The following FGF12 variants were observed in gnomAD, a reference collection of about 807,000 sequenced individuals.
The protein encoded by FGF12 is fibroblast growth factor 12B.
In FGF12, 14 loss-of-function variants were observed where a neutral mutation model predicts 23.6. The ratio of observed to expected loss-of-function variants is 0.59; its 90% CI spans 0.39 to 0.93. FGF12 has a LOEUF of 0.93. Ranked by LOEUF, FGF12 falls within the 40% of genes least tolerant of loss-of-function variation. FGF12 has a pLI of 0.00. For synonymous variants in FGF12, 62 were observed against 77.3 expected (o/e 0.80, Z 1.04); for missense variants, 175 against 217.8 (o/e 0.80, Z 1.24).
chr3:192,445,787 G>A (rs1014211174), intron 2 of FGF12, among the ~76,000 whole-genome samples: 3 of 152,112 alleles, frequency 2.0e-5, no homozygotes, highest in Non-Finnish European at 2.9e-5. Context: ...AAAAAGATTG[G>A]CAGCACGGCC....
intron 2 of FGF12, among the ~76,000 whole-genome samples, chr3:192,372,424 G>C (rs1001475115): frequency 7.3e-6 from 1 of 136,750 alleles, no homozygotes; most frequent in Non-Finnish European, 1.6e-5. Flanking sequence ...CACACACAAT[G>C]CTTTGCCTTT....
intron 4 of FGF12, among the ~76,000 whole-genome samples, chr3:192,330,307 C>T (rs1322429688): frequency 6.6e-6 from 1 of 152,024 alleles, no homozygotes; most frequent in African/African-American, 2.4e-5. Context: ...AGCTGTAGGT[C>T]GCACACCTTC....
intron 2 of FGF12, among the ~76,000 whole-genome samples, chr3:192,387,683 C>CA (rs1301743801): frequency 3.0e-4 from 44 of 145,054 alleles, no homozygotes; most frequent in African/African-American, 1.0e-3. Flanking sequence ...CCCATCTCTA[C>CA]AAAAAAAATA....
rs544278782 is a variant in FGF12, at chr3:192,567,957, C to T, written c.13+159224G>A. On this transcript the variant is annotated intron_variant, in intron 2 of 5. Transcript: ENST00000445105. ...AAGTGATTCTCCTGCCTCAGCCTCC[C>T]GAGTAGCTGGGATTACAGGCACCAG... Among the ~76,000 whole-genome samples the T allele has an allele frequency of 7.3e-3, 1,105 of 151,756 alleles. 7 individuals carry two copies. The highest frequency in any genetic ancestry group is 0.013 in the Non-Finnish European group (896 of 67,924).
chr3:192,162,503 A>G (rs532024601), intron 5 of FGF12, among the ~76,000 whole-genome samples: 20 of 152,218 alleles, frequency 1.3e-4, no homozygotes, highest in African/African-American at 4.6e-4. Flanking sequence ...CAGAAACCAG[A>G]AAAAACTGGT....
At chr3:192,231,462 T>C (rs962631086) in intron 4 of FGF12, among the ~76,000 whole-genome samples, 3 of 152,108 alleles carry the variant, frequency 2.0e-5, no homozygotes, top group Admixed American at 6.6e-5. Flanking sequence ...AACTATTAGG[T>C]TGGTGCAAAA....
At chr3:192,414,717 A>C (rs967934153) in intron 2 of FGF12, among the ~76,000 whole-genome samples, 1 of 152,168 alleles carries the variant, frequency 6.6e-6, no homozygotes, top group Non-Finnish European at 1.5e-5. Context: ...TTTAACCTCA[A>C]TGTGACTACT....
At chr3:192,176,637 G>A (rs548504821) in intron 4 of FGF12, among the ~76,000 whole-genome samples, 17 of 152,278 alleles carry the variant, frequency 1.1e-4, no homozygotes, top group African/African-American at 3.9e-4. Flanking sequence ...ATTAAACTGG[G>A]AGCAATAATT....
chr3:192,687,164 CAA>C (rs558366691), intron 2 of FGF12, among the ~76,000 whole-genome samples: 114 of 105,246 alleles, frequency 1.1e-3, no homozygotes, highest in African/African-American at 1.8e-3. Flanking sequence ...TCTCTCACAT[CAA>C]AAAAAAAAAA....
At chr3:192,243,599 A>G (rs1364955857) in intron 4 of FGF12, among the ~76,000 whole-genome samples, 1 of 152,008 alleles carries the variant, frequency 6.6e-6, no homozygotes, top group East Asian at 1.9e-4. Flanking sequence ...AAAATTTTAA[A>G]CAATAAATTT....
At position 192,688,104 on chromosome 3, in the gene FGF12, A is replaced by C. The variant is rs114272545; in HGVS notation, c.13+39077T>G. Among the ~76,000 whole-genome samples the C allele has an allele frequency of 5.0e-3, 758 of 152,050 alleles. 6 individuals are homozygous for C. The highest frequency in any genetic ancestry group is 0.018 in the African/African-American group (734 of 41,464). On this transcript the variant is annotated intron_variant, in intron 2 of 5. Coordinates refer to ENST00000445105, the MANE Select transcript of FGF12 (RefSeq NM_004113.6). ...CACACCACTGACTATGGTCCCCATCACTTTCTGCCCCAGCCCCTTGCCACC... is the reference window on the plus strand; with the variant it reads ...CACACCACTGACTATGGTCCCCATCCCTTTCTGCCCCAGCCCCTTGCCACC...
intron 4 of FGF12, among the ~76,000 whole-genome samples, chr3:192,242,357 G>A (rs549282322): frequency 4.6e-5 from 7 of 152,270 alleles, no homozygotes; most frequent in African/African-American, 1.4e-4. Context: ...GATGCCAGTA[G>A]CCCTCCCCTT....
chr3:192,630,422 G>A (rs1478952840), intron 2 of FGF12, among the ~76,000 whole-genome samples: 1 of 151,572 alleles, frequency 6.6e-6, no homozygotes, highest in Non-Finnish European at 1.5e-5. Context: ...TTATAGATAC[G>A]GAAATCAGGG....
At chr3:192,612,051 T>C (rs566281204) in intron 2 of FGF12, among the ~76,000 whole-genome samples, 156 of 152,096 alleles carry the variant, frequency 1.0e-3, no homozygotes, top group South Asian at 1.7e-3. Flanking sequence ...ATAATACTAC[T>C]TGGGCTTCAT....
At chr3:192,316,934 T>C (rs1716256030) in intron 4 of FGF12, among the ~76,000 whole-genome samples, 1 of 152,138 alleles carries the variant, frequency 6.6e-6, no homozygotes, top group South Asian at 2.1e-4. Context: ...GCACCAGTCA[T>C]GAGGCCTGCA....
chr3:192,457,006 G>C (rs1453420955), intron 2 of FGF12, among the ~76,000 whole-genome samples: 1 of 152,214 alleles, frequency 6.6e-6, no homozygotes, highest in Non-Finnish European at 1.5e-5. Context: ...CCCCCATACT[G>C]TTCCCGTGGT....
chr3:192,588,026 T>C (rs1481346734), intron 2 of FGF12, among the ~76,000 whole-genome samples: 3 of 151,724 alleles, frequency 2.0e-5, no homozygotes, highest in African/African-American at 7.3e-5. Flanking sequence ...TTGTATTTTA[T>C]AGAAGTTTTT....
At chr3:192,652,028 G>T (rs1457509096) in intron 2 of FGF12, among the ~76,000 whole-genome samples, 1 of 152,110 alleles carries the variant, frequency 6.6e-6, no homozygotes, top group African/African-American at 2.4e-5. Flanking sequence ...AAAACTATTT[G>T]CCAGGCACCT....
chr3:192,279,559 C>A (rs898402067), intron 4 of FGF12, among the ~76,000 whole-genome samples: 1 of 152,122 alleles, frequency 6.6e-6, no homozygotes. Context: ...GCAATTACAC[C>A]TGTCAGTTGA....
Sources: allele counts gnomAD v4.1 joint callset (sites outside exome capture counted in the v4.1 genomes callset), GRCh38; gene constraint gnomAD v4.1.1; transcripts MANE v1.5; gene names NCBI Gene and HGNC (gene_info 2026-07-23, HGNC 2026-07-21).